Variants in TXN observed in about 807,000 individuals in gnomAD.
TXN encodes ADF.
Under a neutral mutation model 16.5 loss-of-function variants are expected in TXN, and 10 were observed. The observed-to-expected ratio is 0.61, with a 90% CI of 0.37 to 1.03. The LOEUF (loss-of-function observed/expected upper bound fraction) is 1.03. TXN is among the 50% of genes least tolerant of loss of function. The pLI is 0.01. For missense variants in TXN, 71 were observed against 122.5 expected (o/e 0.58, Z 1.98); for synonymous variants, 35 against 39.4 (o/e 0.89, Z 0.42).
In TXN at chr9:110,256,485, T is replaced by G. The variant is rs1246735426; in HGVS notation, c.-50A>C. On this transcript the variant is annotated 5_prime_UTR_variant, in exon 1 of 5. Coordinates refer to ENST00000374517, the MANE Select transcript of TXN (RefSeq NM_003329.4). The surrounding 1 kb of genome is among the most constrained non-coding windows in gnomAD (Gnocchi z 4.2). Reference sequence around the variant, plus strand: ...GGCTGTAAGGACCGATGGAAATGGATCCAAAGCACCAAACAGAGCTTCAAG... The same window carrying G: ...GGCTGTAAGGACCGATGGAAATGGAGCCAAAGCACCAAACAGAGCTTCAAG... 1 of 1,581,732 alleles carries G rather than the reference T, an allele frequency of 6.3e-7. No homozygotes were observed. Among genetic ancestry groups the G allele is most frequent in the African/African-American group, 1.4e-5 (1 of 73,752 alleles).
intron 3 of TXN, among the ~76,000 whole-genome samples, chr9:110,247,107 G>C (rs1837668891): frequency 6.6e-6 from 1 of 152,152 alleles, no homozygotes; most frequent in African/African-American, 2.4e-5. Flanking sequence ...TGGATCACTT[G>C]AGGTGAGGAG....
chr9:110,251,839 T>C (rs1043360976), intron 1 of TXN, among the ~76,000 whole-genome samples: 64 of 152,182 alleles, frequency 4.2e-4, no homozygotes, highest in Non-Finnish European at 8.7e-4. Flanking sequence ...AGGTATATGG[T>C]AGACATTCAT....
chr9:110,252,540 A>G (rs1248423195), intron 1 of TXN, among the ~76,000 whole-genome samples: 2 of 152,222 alleles, frequency 1.3e-5, no homozygotes, highest in Non-Finnish European at 2.9e-5. Context: ...TAAAATTCTC[A>G]GTAGAAATGA....
At chr9:110,249,389 C>T (rs1361389932) in intron 3 of TXN, among the ~76,000 whole-genome samples, 11 of 151,904 alleles carry the variant, frequency 7.2e-5, no homozygotes, top group Admixed American at 6.6e-4. Flanking sequence ...TCATTCCACA[C>T]CTATACTACA....
intron 1 of TXN, among the ~76,000 whole-genome samples, chr9:110,252,223 C>CAAAAAAA (rs377246017): frequency 5.1e-5 from 3 of 58,422 alleles, no homozygotes; most frequent in Admixed American, 1.9e-4. Flanking sequence ...GACTCTGTCG[C>CAAAAAAA]AAAAAAAAAA....
Position 110,247,322 on chromosome 9 carries a change from C to CAA in TXN, c.190-2481_190-2480dup, listed in dbSNP as rs5899888. Among the ~76,000 whole-genome samples, 150 of 82,666 alleles carry CAA rather than the reference C, an allele frequency of 1.8e-3. 1 individual carries two copies. Among genetic ancestry groups the CAA allele is most frequent in the Middle Eastern group, 6.2e-3 (1 of 162 alleles). The allele number at this position is 82,666 out of a possible 152,430, so 54.2% of individuals were successfully genotyped here. On this transcript the variant is annotated intron_variant, in intron 3 of 4. Transcript: ENST00000374517. ...TGGGTGACAGAGTGAGACTCTGTCT[C>CAA]AAAAAAAAAAAAAAAAAAGATACAT...
At chr9:110,247,216 A>G (rs563841638) in intron 3 of TXN, among the ~76,000 whole-genome samples, 1 of 151,818 alleles carries the variant, frequency 6.6e-6, no homozygotes, top group East Asian at 1.9e-4. Flanking sequence ...CCAGCTACTC[A>G]GGAGGCTGAG....
At chr9:110,248,860 C>A (rs1837689971) in intron 3 of TXN, among the ~76,000 whole-genome samples, 1 of 152,034 alleles carries the variant, frequency 6.6e-6, no homozygotes, top group African/African-American at 2.4e-5. Context: ...GGTGGATAAT[C>A]CCAGCACTTT....
intron 4 of TXN, 144 bp downstream of exon 4, chr9:110,244,634 G>A: frequency 1.5e-6 from 1 of 661,970 alleles, no homozygotes; most frequent in Non-Finnish European, 2.7e-6. Context: ...TTAAGCCAAT[G>A]AATTTTGGCA....
At chr9:110,252,245 A>AAAAAAAAAAAAAAAAAAAAAAAAG (rs199937630) in intron 1 of TXN, among the ~76,000 whole-genome samples, 1 of 136,204 alleles carries the variant, frequency 7.3e-6, no homozygotes. Context: ...AAAAAAAAAA[A>AAAAAAAAAAAAAAAAAAAAAAAAG]GCTATGACTT....
chr9:110,250,722 GAATT>G, intron 3 of TXN, 94 bp downstream of exon 3: 2 of 993,338 alleles, frequency 2.0e-6, no homozygotes, highest in Non-Finnish European at 3.1e-6. Flanking sequence ...TACAGTTCTA[GAATT>G]ATTTGACATA....
intron 1 of TXN, among the ~76,000 whole-genome samples, chr9:110,251,765 C>A (rs1837741832): frequency 6.6e-6 from 1 of 151,942 alleles, no homozygotes; most frequent in South Asian, 2.1e-4. Context: ...TATTTTTTCT[C>A]TACACCAAAC....
intron 1 of TXN, among the ~76,000 whole-genome samples, chr9:110,254,633 C>T (rs1041350705): frequency 6.6e-6 from 1 of 152,232 alleles, no homozygotes; most frequent in Non-Finnish European, 1.5e-5. Flanking sequence ...GGGCCCCAGG[C>T]TGTAGTGCTT....
chr9:110,244,251 G>A lies in TXN; in HGVS notation c.256-32C>T, dbSNP rs72549246. On this transcript the variant is annotated intron_variant, in intron 4 of 4. Coordinates refer to ENST00000374517, the MANE Select transcript of TXN (RefSeq NM_003329.4). ...AGAGAATATTGAATTGACATTAGAC[G>A]TAGCACTGTAGCACTGTTTTATACA... The A allele has an allele frequency of 1.0e-3, 1,212 of 1,200,244 alleles. 11 individuals are homozygous for A. In the African/African-American group the frequency reaches 0.018, roughly 18 times the overall value. The allele number at this position is 1,200,244 out of a possible 1,614,324, so 74.3% of individuals were successfully genotyped here.
At position 110,251,422 on chromosome 9, in the gene TXN, A is replaced by G; in HGVS notation, c.65T>C (p.Leu22Pro). 6.2e-7 allele frequency: 1 copy of G among 1,612,238 alleles called. No homozygotes were observed. Among genetic ancestry groups the G allele is most frequent in the Admixed American group, 1.7e-5 (1 of 60,012 alleles). Reference sequence around the variant, plus strand: ...CGTGGCTGAGAAGTCAACTACTACAAGTTTATCACCTGCAGCGTCCAAGGC... The same window carrying G: ...CGTGGCTGAGAAGTCAACTACTACAGGTTTATCACCTGCAGCGTCCAAGGC... Reference protein sequence around the residue: ...QEALDAAGDKLVVVDFSATWC... With the variant: ...QEALDAAGDKPVVVDFSATWC... Residue 22 changes from leucine (L) to proline (P), a missense_variant, in exon 2 of 5, where the codon CTT becomes CCT. Coordinates refer to ENST00000374517, the MANE Select transcript of TXN (RefSeq NM_003329.4).
Position 110,247,605 on chromosome 9 carries a change from C to T in TXN, c.190-2762G>A, listed in dbSNP as rs1837675835. ...CAATTACATACAAAGTATACCACTA[C>T]AGACTGCTTTACCTGCGGAATAGCC... On this transcript the variant is annotated intron_variant, in intron 3 of 4. Transcript: ENST00000374517. Among the ~76,000 whole-genome samples the T allele has an allele frequency of 2.6e-5, 4 of 152,226 alleles. No homozygotes were observed. In the South Asian group the frequency reaches 8.3e-4, roughly 32 times the overall value.
intron 2 of TXN, 29 bp downstream of exon 2, chr9:110,251,329 T>C: frequency 6.6e-7 from 1 of 1,524,726 alleles, no homozygotes; most frequent in Non-Finnish European, 9.1e-7. Flanking sequence ...CACAAATCTC[T>C]TACAAAGCAG....
chr9:110,256,403 A>G lies in TXN; in HGVS notation c.24+9T>C, dbSNP rs1313944006. 4 of 1,605,986 alleles carry G rather than the reference A, an allele frequency of 2.5e-6. No individual in the cohort carries two copies. Among genetic ancestry groups the G allele is most frequent in the Admixed American group, 3.4e-5 (2 of 59,174 alleles). On this transcript the variant is annotated intron_variant, in intron 1 of 4. Coordinates refer to ENST00000374517, the MANE Select transcript of TXN (RefSeq NM_003329.4). The surrounding 1 kb of genome is among the most constrained non-coding windows in gnomAD (Gnocchi z 4.2). ...CGCCGGCACCCTGGCCTTCCCCGGT[A>G]GCGCGTACCTTGCTCTCGATCTGCT...
rs1491190363 is a variant in TXN, at chr9:110,252,224, A to AAAAAAG, written c.25-763_25-762insCTTTTT. 1.2e-4 allele frequency among the ~76,000 whole-genome samples: 9 copies of AAAAAAG among 75,518 alleles called. 1 individual carries two copies. Among genetic ancestry groups the AAAAAAG allele is most frequent in the South Asian group, 8.3e-4 (2 of 2,400 alleles). The allele number at this position is 75,518 out of a possible 152,430, so 49.5% of individuals were successfully genotyped here. A position where few individuals can be genotyped will look rare whatever the true frequency, so the allele number is the denominator to read the frequency against. ...GGGCAATAGACGGAGACTCTGTCGC[A>AAAAAAG]AAAAAAAAAAAAAAAAAAAAAGCTA... On this transcript the variant is annotated intron_variant, in intron 1 of 4. Transcript: ENST00000374517.
Sources: allele counts gnomAD v4.1 joint callset (sites outside exome capture counted in the v4.1 genomes callset), GRCh38; gene constraint gnomAD v4.1.1; non-coding constraint Gnocchi (gnomAD v3.1); transcripts MANE v1.5; gene names NCBI Gene and HGNC (gene_info 2026-07-23, HGNC 2026-07-21).